SLC25A21: variants seen among roughly 807,000 people sequenced by gnomAD.
The protein encoded by SLC25A21 is mitochondrial 2-oxodicarboxylate carrier.
SLC25A21 carries 47 observed loss-of-function variants against 43.8 expected under a neutral mutation model. The observed-to-expected ratio is 1.07, with a 90% CI of 0.85 to 1.37. The LOEUF (loss-of-function observed/expected upper bound fraction) is 1.37. SLC25A21 is among the 40% of genes most tolerant of loss of function. SLC25A21 has a pLI of 0.00. For synonymous variants in SLC25A21, 131 were observed against 121.3 expected (o/e 1.08, Z -0.52); for missense variants, 352 against 350.2 (o/e 1.00, Z -0.04).
At chr14:36,887,047 T>C (rs1194071593) in intron 1 of SLC25A21, among the ~76,000 whole-genome samples, 3 of 152,066 alleles carry the variant, frequency 2.0e-5, no homozygotes, top group Non-Finnish European at 1.5e-5. Flanking sequence ...GTATATAAAA[T>C]GTCTTTAAAG....
At chr14:36,982,284 A>G (rs997547427) in intron 1 of SLC25A21, among the ~76,000 whole-genome samples, 1 of 152,254 alleles carries the variant, frequency 6.6e-6, no homozygotes, top group Non-Finnish European at 1.5e-5. Flanking sequence ...CTCATTGAGA[A>G]TCCAAATTAT....
chr14:37,147,917 C>T (rs1186687828), intron 1 of SLC25A21, among the ~76,000 whole-genome samples: 2 of 140,526 alleles, frequency 1.4e-5, no homozygotes, highest in African/African-American at 2.6e-5. Context: ...TCTCAGTTCA[C>T]TGCAACCTCC....
chr14:36,829,911 G>A (rs1478555209), intron 2 of SLC25A21, among the ~76,000 whole-genome samples: 1 of 150,612 alleles, frequency 6.6e-6, no homozygotes, highest in African/African-American at 2.4e-5. Context: ...CTAGATGACT[G>A]ATGTTGTCTG....
intron 3 of SLC25A21, among the ~76,000 whole-genome samples, chr14:36,762,399 C>A (rs1886193428): frequency 6.6e-6 from 1 of 152,204 alleles, no homozygotes. Flanking sequence ...TGCTGCCTTC[C>A]ACTGACACTC....
At chr14:36,728,590 A>G (rs558172287) in intron 5 of SLC25A21, among the ~76,000 whole-genome samples, 3 of 152,326 alleles carry the variant, frequency 2.0e-5, no homozygotes, top group Non-Finnish European at 2.9e-5. Flanking sequence ...TTGCTTTGTT[A>G]TAACAAAAAG....
chr14:36,702,287 T>C (rs893494638), intron 7 of SLC25A21, among the ~76,000 whole-genome samples: 1 of 151,900 alleles, frequency 6.6e-6, no homozygotes, highest in South Asian at 2.1e-4. Context: ...ATTCAACCTC[T>C]TCAGGTTGGC....
chr14:36,774,402 C>A (rs1354473811), intron 3 of SLC25A21, among the ~76,000 whole-genome samples: 2 of 152,112 alleles, frequency 1.3e-5, no homozygotes, highest in African/African-American at 4.8e-5. Context: ...AGAAACTATT[C>A]AAAAAGTTTA....
At chr14:36,966,867 C>T (rs541057087) in intron 1 of SLC25A21, among the ~76,000 whole-genome samples, 65 of 152,154 alleles carry the variant, frequency 4.3e-4, no homozygotes, top group Non-Finnish European at 7.2e-4. Flanking sequence ...TTTAGCAGCC[C>T]CCGAAGGGAT....
intron 1 of SLC25A21, among the ~76,000 whole-genome samples, chr14:36,989,373 C>T (rs1594740385): frequency 6.6e-6 from 1 of 152,200 alleles, no homozygotes; most frequent in East Asian, 1.9e-4. Context: ...TGGGAAGATG[C>T]CCTCACTCTC....
chr14:36,735,557 A>C (rs533670070), intron 3 of SLC25A21, among the ~76,000 whole-genome samples: 26 of 151,928 alleles, frequency 1.7e-4, no homozygotes, highest in African/African-American at 5.3e-4. Flanking sequence ...CAGCTCCCTT[A>C]AACTGGGTCC....
At chr14:36,814,969 C>G (rs982781225) in intron 2 of SLC25A21, among the ~76,000 whole-genome samples, 1 of 152,162 alleles carries the variant, frequency 6.6e-6, no homozygotes, top group Admixed American at 6.5e-5. Context: ...CACATATACA[C>G]CATGGAATAC....
At chr14:36,761,008 T>C (rs887873163) in intron 3 of SLC25A21, among the ~76,000 whole-genome samples, 1 of 152,256 alleles carries the variant, frequency 6.6e-6, no homozygotes, top group Non-Finnish European at 1.5e-5. Flanking sequence ...CTGCAGAGCA[T>C]GTTCCTTGAA....
intron 7 of SLC25A21, 39 bp downstream of exon 7, chr14:36,711,279 G>C: frequency 6.3e-7 from 1 of 1,592,750 alleles, no homozygotes; most frequent in Non-Finnish European, 8.6e-7. Context: ...ATCACTGATA[G>C]GATTTTTCCT....
intron 1 of SLC25A21, among the ~76,000 whole-genome samples, chr14:36,959,863 A>C (rs994246035): frequency 5.9e-5 from 9 of 152,210 alleles, no homozygotes; most frequent in African/African-American, 2.2e-4. Context: ...TGAAATAAGG[A>C]TCACTGGACT....
chr14:36,828,337 C>G (rs1480836520), intron 2 of SLC25A21: 1 of 152,184 alleles, frequency 6.6e-6, no homozygotes, highest in Non-Finnish European at 1.5e-5. Context: ...GGAATATAAG[C>G]AGAAGTGACA....
intron 1 of SLC25A21, among the ~76,000 whole-genome samples, chr14:36,926,648 A>G (rs1156655472): frequency 6.6e-6 from 1 of 152,142 alleles, no homozygotes; most frequent in East Asian, 1.9e-4. Context: ...GGACGAGGAC[A>G]CTCAGTACAT....
At chr14:36,903,659 TA>T (rs1170878579) in intron 1 of SLC25A21, among the ~76,000 whole-genome samples, 1 of 130,102 alleles carries the variant, frequency 7.7e-6, no homozygotes, top group Non-Finnish European at 1.6e-5. Flanking sequence ...CGCCAAAATT[TA>T]AAAATCAGGA....
intron 1 of SLC25A21, among the ~76,000 whole-genome samples, chr14:37,089,652 C>T (rs531558463): frequency 1.3e-4 from 20 of 152,088 alleles, no homozygotes; most frequent in Admixed American, 2.6e-4. Flanking sequence ...AGTAAGGCCA[C>T]GGATCTTTTG....
intron 1 of SLC25A21, among the ~76,000 whole-genome samples, chr14:37,033,537 T>G (rs1261211369): frequency 1.3e-5 from 2 of 152,220 alleles, no homozygotes; most frequent in African/African-American, 4.8e-5. Context: ...CAACTTGATA[T>G]CCATCCTCCA....
Sources: allele counts gnomAD v4.1 joint callset (sites outside exome capture counted in the v4.1 genomes callset), GRCh38; gene constraint gnomAD v4.1.1; transcripts MANE v1.5; gene names NCBI Gene and HGNC (gene_info 2026-07-23, HGNC 2026-07-21).